PPP3CC: variants seen among roughly 807,000 people sequenced by gnomAD.
The protein encoded by PPP3CC is serine/threonine-protein phosphatase 2B catalytic subunit gamma isoform.
A neutral mutation model predicts 60.3 loss-of-function variants in PPP3CC; 35 were observed. The ratio of observed to expected loss-of-function variants is 0.58; its 90% CI spans 0.44 to 0.77. The LOEUF is 0.77. Ranked by LOEUF, PPP3CC falls within the 30% of genes least tolerant of loss-of-function variation. The pLI is 0.00. For missense variants in PPP3CC, 570 were observed against 628.9 expected, an observed-to-expected ratio of 0.91 and a Z score of 1.00; for synonymous variants, 206 against 224.3, an observed-to-expected ratio of 0.92 and a Z score of 0.73.
intron 3 of PPP3CC, among the ~76,000 whole-genome samples, chr8:22,492,172 C>A (rs1466534152): frequency 1.3e-5 from 2 of 151,692 alleles, no homozygotes; most frequent in Non-Finnish European, 2.9e-5. Flanking sequence ...GTGCTGAATA[C>A]TGTAGGCAGT....
At chr8:22,497,155 G>T (rs373864620) in intron 3 of PPP3CC, among the ~76,000 whole-genome samples, 7 of 152,048 alleles carry the variant, frequency 4.6e-5, no homozygotes, top group African/African-American at 1.7e-4. Flanking sequence ...TCAGCCTCCC[G>T]AGTAGCTGGG....
intron 1 of PPP3CC, among the ~76,000 whole-genome samples, chr8:22,449,447 C>CAAAAAAA (rs35113938): frequency 5.0e-5 from 3 of 59,664 alleles, no homozygotes; most frequent in East Asian, 5.3e-4. Context: ...GACCCCATCT[C>CAAAAAAA]AAAAAAAAAA....
In PPP3CC at chr8:22,513,355, C is replaced by G. The variant is rs1462033344; in HGVS notation, c.693C>G (p.Pro231=). Residue 231 remains proline (P), a synonymous_variant, in exon 6 of 14, where the codon CCC becomes CCG. Transcript: ENST00000240139. Reference sequence around the variant, plus strand: ...TGTGTGACCTGCTTTGGTCTGATCCCTCAGAGGATTATGGCAATGAGAAGA... The same window carrying G: ...TGTGTGACCTGCTTTGGTCTGATCCGTCAGAGGATTATGGCAATGAGAAGA... ...GPVCDLLWSD[P]SEDYGNEKTL... is the part of the protein sequence containing the mutation. 1.2e-6 allele frequency: 2 copies of G among 1,613,888 alleles called. No homozygotes were observed. The highest frequency in any genetic ancestry group is 1.7e-6 in the Non-Finnish European group (2 of 1,179,932).
intron 3 of PPP3CC, among the ~76,000 whole-genome samples, chr8:22,497,326 G>T (rs1207968817): frequency 6.6e-6 from 1 of 151,230 alleles, no homozygotes; most frequent in Non-Finnish European, 1.5e-5. Context: ...ACTGCACCTG[G>T]CCCTATTTTT....
At chr8:22,447,202 CAG>C (rs1245734886) in intron 1 of PPP3CC, among the ~76,000 whole-genome samples, 1 of 101,382 alleles carries the variant, frequency 9.9e-6, no homozygotes, top group African/African-American at 3.3e-5. Context: ...TTTTTTGTGA[CAG>C]AGTCTCGCTC....
chr8:22,532,972 A>G lies in PPP3CC; in HGVS notation c.1275A>G (p.Thr425=), dbSNP rs200927664. Reference sequence around the variant, plus strand: ...TCAAGGGCCTGACTCCCACAGGCACACTCCCTCTGGGCGTCCTCTCAGGAG... The same window carrying G: ...TCAAGGGCCTGACTCCCACAGGCACGCTCCCTCTGGGCGTCCTCTCAGGAG... ...LTLKGLTPTG[T]LPLGVLSGGK... Residue 425 remains threonine (T), a synonymous_variant, in exon 12 of 14, where the codon ACA becomes ACG. Coordinates refer to ENST00000240139, the MANE Select transcript of PPP3CC (RefSeq NM_005605.5). 256 of 1,605,294 alleles carry G rather than the reference A, an allele frequency of 1.6e-4. No individual in the cohort carries two copies. Among genetic ancestry groups the G allele is most frequent in the Admixed American group, 5.1e-4 (30 of 59,146 alleles).
Position 22,511,096 on chromosome 8 carries a change from A to G in PPP3CC, c.495A>G (p.Lys165=), listed in dbSNP as rs1375000655. The change falls in exon 5 of 14, where the codon AAA becomes AAG. Residue 165 remains lysine, a synonymous_variant. Transcript: ENST00000240139. ...TTCCTTTTTTGTTAGGTCGAATCAA[A>G]TATTCGGAACAGGTGTATGATGCCT... ...YFTFKQECRI[K]YSEQVYDACM... The G allele has an allele frequency of 1.2e-6, 2 of 1,613,472 alleles. No individual in the cohort carries two copies. The highest frequency in any genetic ancestry group is 3.3e-5 in the Admixed American group (2 of 59,852).
intron 1 of PPP3CC, among the ~76,000 whole-genome samples, chr8:22,469,856 G>A (rs1003661262): frequency 5.3e-5 from 8 of 152,012 alleles, no homozygotes; most frequent in Non-Finnish European, 1.0e-4. Context: ...TAGATAATAA[G>A]TGATTATTGC....
intron 6 of PPP3CC, among the ~76,000 whole-genome samples, chr8:22,521,546 C>A (rs1017374943): frequency 1.3e-5 from 2 of 152,168 alleles, no homozygotes; most frequent in African/African-American, 2.4e-5. Context: ...AAGGTTCTTA[C>A]AATGGCACTT....
intron 8 of PPP3CC, chr8:22,523,560 C>A: frequency 5.3e-6 from 2 of 376,586 alleles, no homozygotes; most frequent in South Asian, 2.0e-5. Context: ...AAGTAGTTAC[C>A]TTGGGAGGCT....
chr8:22,465,814 G>T (rs1586800962), intron 1 of PPP3CC, among the ~76,000 whole-genome samples: 1 of 151,464 alleles, frequency 6.6e-6, no homozygotes, highest in African/African-American at 2.5e-5. Flanking sequence ...AAATATTATT[G>T]TAGCCATTTT....
At chr8:22,536,519 T>A (rs1374541481) in intron 12 of PPP3CC, among the ~76,000 whole-genome samples, 2 of 152,258 alleles carry the variant, frequency 1.3e-5, no homozygotes, top group African/African-American at 4.8e-5. Context: ...TTTCTAATTC[T>A]TGGTCACCTT....
chr8:22,504,210 T>C (rs891345489), intron 4 of PPP3CC, among the ~76,000 whole-genome samples: 1 of 152,224 alleles, frequency 6.6e-6, no homozygotes, highest in Non-Finnish European at 1.5e-5. Flanking sequence ...ATATTTTTAC[T>C]ATATGTATAC....
At position 22,540,732 on chromosome 8, in the gene PPP3CC, T is replaced by C. The variant is rs1402909050; in HGVS notation, c.1469T>C (p.Met490Thr). Residue 490 changes from methionine (M) to threonine (T), a missense_variant, in exon 14 of 14, where the codon ATG becomes ACG. Physicochemically the swap from Met to Thr is moderately conservative, Grantham distance 81. Transcript: ENST00000240139. ...RKDSIHAGGP[M>T]KSVTSAHSHA... ...GATAGCATACACGCTGGTGGGCCAA[T>C]GAAATCTGTAACCTCAGCACACTCA... is the stretch of plus-strand genomic sequence containing the variant. 1 of 1,613,942 alleles carries C rather than the reference T, an allele frequency of 6.2e-7. No individual in the cohort carries two copies. The highest frequency in any genetic ancestry group is 1.6e-4 in the Middle Eastern group (1 of 6,080).
chr8:22,475,710 G>T, intron 3 of PPP3CC, 86 bp downstream of exon 3: 1 of 1,281,108 alleles, frequency 7.8e-7, no homozygotes, highest in South Asian at 1.7e-5. Context: ...AAATTAAAAT[G>T]AGAACTCTGG....
At chr8:22,490,596 TC>T (rs938807662) in intron 3 of PPP3CC, among the ~76,000 whole-genome samples, 1 of 119,684 alleles carries the variant, frequency 8.4e-6, no homozygotes, top group African/African-American at 3.1e-5. Context: ...ATGCTATGCC[TC>T]CCCCCTCCCC....
intron 3 of PPP3CC, among the ~76,000 whole-genome samples, chr8:22,477,380 G>A (rs1327733438): frequency 1.3e-5 from 2 of 151,988 alleles, no homozygotes; most frequent in Non-Finnish European, 2.9e-5. Flanking sequence ...GAGAGGCTGA[G>A]GCAGGATAAT....
intron 6 of PPP3CC, among the ~76,000 whole-genome samples, chr8:22,519,760 T>C (rs1489106182): frequency 6.6e-6 from 1 of 152,180 alleles, no homozygotes; most frequent in Non-Finnish European, 1.5e-5. Flanking sequence ...GTTCAAGTGA[T>C]TCTCCTACCT....
intron 1 of PPP3CC, among the ~76,000 whole-genome samples, chr8:22,442,545 A>T (rs985715202): frequency 6.6e-6 from 1 of 152,194 alleles, no homozygotes; most frequent in Non-Finnish European, 1.5e-5. Context: ...CAGCCTCATA[A>T]ATGTTAATTA....
Sources: allele counts gnomAD v4.1 joint callset (sites outside exome capture counted in the v4.1 genomes callset), GRCh38; gene constraint gnomAD v4.1.1; transcripts MANE v1.5; gene names NCBI Gene and HGNC (gene_info 2026-07-23, HGNC 2026-07-21).